The following CTNNA3 variants were observed in gnomAD, a reference collection of about 807,000 sequenced individuals.
The protein encoded by CTNNA3 is catenin alpha 3.
In CTNNA3, 76 loss-of-function variants were observed where a neutral mutation model predicts 95.7. The ratio of observed to expected loss-of-function variants is 0.79; its 90% CI spans 0.66 to 0.96. The LOEUF (loss-of-function observed/expected upper bound fraction) is 0.96. CTNNA3 is among the 40% of genes least tolerant of loss of function. The probability of loss-of-function intolerance (pLI) is 0.00; values close to 1 mark genes in which losing one functional copy is unlikely to be tolerated. For missense variants in CTNNA3, 1,191 were observed against 1,089.8 expected (o/e 1.09, Z -1.31); for synonymous variants, 431 against 374.4 (o/e 1.15, Z -1.74).
At chr10:66,816,441 G>C (rs1329810160) in intron 7 of CTNNA3, among the ~76,000 whole-genome samples, 2 of 151,936 alleles carry the variant, frequency 1.3e-5, no homozygotes, top group Non-Finnish European at 2.9e-5. Flanking sequence ...TTATAAAAGA[G>C]ACATATACAT....
intron 7 of CTNNA3, among the ~76,000 whole-genome samples, chr10:66,831,648 A>G (rs1011576565): frequency 1.3e-5 from 2 of 152,166 alleles, no homozygotes; most frequent in Admixed American, 6.5e-5. Context: ...CAGCCTACCT[A>G]GCACACAGTA....
intron 5 of CTNNA3, among the ~76,000 whole-genome samples, chr10:67,410,631 CA>C (rs61451586): frequency 0.045 from 5,293 of 116,746 alleles, 256 homozygotes; most frequent in East Asian, 0.31. Flanking sequence ...TCCCCCCACC[CA>C]AAAAAAAAAA....
At chr10:67,028,816 T>C (rs892566258) in intron 7 of CTNNA3, among the ~76,000 whole-genome samples, 2 of 152,150 alleles carry the variant, frequency 1.3e-5, no homozygotes, top group Non-Finnish European at 2.9e-5. Flanking sequence ...CTACAAGTAA[T>C]TACATTAGGA....
chr10:65,942,308 C>G (rs1383946900), intron 17 of CTNNA3, among the ~76,000 whole-genome samples: 3 of 152,128 alleles, frequency 2.0e-5, no homozygotes, highest in Non-Finnish European at 4.4e-5. Context: ...ATGGGCAGAT[C>G]AAGAAGTCAA....
At chr10:66,317,404 T>C (rs2092117270) in intron 12 of CTNNA3, among the ~76,000 whole-genome samples, 1 of 152,110 alleles carries the variant, frequency 6.6e-6, no homozygotes, top group African/African-American at 2.4e-5. Flanking sequence ...CCGGGCGTGG[T>C]GGCTCACACC....
At chr10:65,930,622 T>G (rs1047675114) in intron 17 of CTNNA3, among the ~76,000 whole-genome samples, 1 of 152,174 alleles carries the variant, frequency 6.6e-6, no homozygotes, top group African/African-American at 2.4e-5. Flanking sequence ...AGTAGTTAAT[T>G]TTTTTATTTC....
chr10:66,188,229 C>T (rs2086441073), intron 13 of CTNNA3, among the ~76,000 whole-genome samples: 2 of 151,976 alleles, frequency 1.3e-5, no homozygotes, highest in South Asian at 4.1e-4. Context: ...AACAGAGTGC[C>T]CCAGAAACCT....
chr10:67,204,216 C>A (rs1863783474), intron 6 of CTNNA3, among the ~76,000 whole-genome samples: 1 of 152,058 alleles, frequency 6.6e-6, no homozygotes, highest in Non-Finnish European at 1.5e-5. Context: ...AATCTCATGT[C>A]AAAATGTAAC....
chr10:66,423,068 A>G (rs61867358), intron 11 of CTNNA3, among the ~76,000 whole-genome samples: 40,293 of 151,878 alleles, frequency 0.27, 5,508 homozygotes, highest in South Asian at 0.39. Context: ...TCCAACTCCA[A>G]CTCTCATCTT....
intron 7 of CTNNA3, among the ~76,000 whole-genome samples, chr10:66,998,152 C>T (rs1851462937): frequency 6.6e-6 from 1 of 152,180 alleles, no homozygotes; most frequent in Non-Finnish European, 1.5e-5. Flanking sequence ...AAATTCCTAA[C>T]ACGGCATTTT....
At chr10:66,237,229 G>A (rs981071126) in intron 13 of CTNNA3, among the ~76,000 whole-genome samples, 1 of 152,194 alleles carries the variant, frequency 6.6e-6, no homozygotes, top group Non-Finnish European at 1.5e-5. Context: ...ATATGTATAT[G>A]GAAGGCAGGA....
intron 5 of CTNNA3, among the ~76,000 whole-genome samples, chr10:67,263,797 C>T (rs1216123903): frequency 5.3e-5 from 8 of 152,108 alleles, no homozygotes; most frequent in East Asian, 1.9e-4. Context: ...ATTCTGCTGT[C>T]GCTGGTGAAG....
chr10:66,676,744 C>T (rs1564612106), intron 9 of CTNNA3, among the ~76,000 whole-genome samples: 1 of 152,052 alleles, frequency 6.6e-6, no homozygotes, highest in Non-Finnish European at 1.5e-5. Flanking sequence ...ATAAAATATT[C>T]AGTCAAGAGA....
intron 7 of CTNNA3, among the ~76,000 whole-genome samples, chr10:66,864,544 T>A (rs1027566020): frequency 6.6e-6 from 1 of 152,190 alleles, no homozygotes; most frequent in South Asian, 2.1e-4. Flanking sequence ...AGCTAGGACA[T>A]CATATTAACA....
chr10:66,092,632 A>G (rs1449694125), intron 14 of CTNNA3, among the ~76,000 whole-genome samples: 1 of 151,960 alleles, frequency 6.6e-6, no homozygotes, highest in Non-Finnish European at 1.5e-5. Context: ...CATATATCAC[A>G]ATATACCACT....
intron 8 of CTNNA3, among the ~76,000 whole-genome samples, chr10:66,766,916 G>T (rs906978812): frequency 1.3e-5 from 2 of 152,264 alleles, no homozygotes; most frequent in African/African-American, 4.8e-5. Context: ...AGAGCAAGAA[G>T]AATAATAAAT....
chr10:66,290,794 TC>T (rs2091668600), intron 12 of CTNNA3, among the ~76,000 whole-genome samples: 1 of 152,062 alleles, frequency 6.6e-6, no homozygotes, highest in East Asian at 1.9e-4. Flanking sequence ...CAGAAGTGAG[TC>T]ACAAATTATT....
chr10:67,452,062 GGAA>G (rs1847009332), intron 5 of CTNNA3, among the ~76,000 whole-genome samples: 2 of 48,870 alleles, frequency 4.1e-5, no homozygotes, highest in African/African-American at 3.3e-4. Context: ...AGGGAGGAAT[GGAA>G]GGAAGGAAGG....
intron 15 of CTNNA3, among the ~76,000 whole-genome samples, chr10:66,019,782 G>A (rs1403879346): frequency 6.6e-6 from 1 of 152,122 alleles, no homozygotes; most frequent in Admixed American, 6.5e-5. Flanking sequence ...CAGCTTCAAA[G>A]TCTATAAAAT....
Sources: allele counts gnomAD v4.1 joint callset (sites outside exome capture counted in the v4.1 genomes callset), GRCh38; gene constraint gnomAD v4.1.1; transcripts MANE v1.5; gene names NCBI Gene and HGNC (gene_info 2026-07-23, HGNC 2026-07-21).